SLC16A7: variants seen among roughly 807,000 people sequenced by gnomAD.
SLC16A7 encodes solute carrier family 16 member 7.
Under a neutral mutation model 34.9 loss-of-function variants are expected in SLC16A7, and 33 were observed. The observed-to-expected ratio is 0.94, with a 90% CI of 0.72 to 1.26. SLC16A7 has a LOEUF of 1.26. SLC16A7 is among the 50% of genes most tolerant of loss of function. The pLI is 0.00. For synonymous variants in SLC16A7, 201 were observed against 206.6 expected, an observed-to-expected ratio of 0.97 and a Z score of 0.23; for missense variants, 573 against 578.1, an observed-to-expected ratio of 0.99 and a Z score of 0.09.
At chr12:59,751,015 A>T (rs1879468950) in intron 3 of SLC16A7, among the ~76,000 whole-genome samples, 2 of 151,622 alleles carry the variant, frequency 1.3e-5, no homozygotes, top group Non-Finnish European at 2.9e-5. Flanking sequence ...GAACAATAAG[A>T]AAACATGGAC....
intron 3 of SLC16A7, chr12:59,761,230 T>A: frequency 1.1e-6 from 1 of 942,608 alleles, no homozygotes; most frequent in Non-Finnish European, 1.5e-6. Context: ...GTTAAATACT[T>A]GGTTGATAAG....
chr12:59,730,936 T>C (rs967884831), intron 3 of SLC16A7, among the ~76,000 whole-genome samples: 1 of 152,164 alleles, frequency 6.6e-6, no homozygotes, highest in Non-Finnish European at 1.5e-5. Context: ...ACCGAGTCAA[T>C]TGGAAACAAA....
chr12:59,604,488 G>A (rs1229140494), intron 1 of SLC16A7, among the ~76,000 whole-genome samples: 2 of 152,218 alleles, frequency 1.3e-5, no homozygotes, highest in African/African-American at 2.4e-5. Flanking sequence ...GTGTGTGTGT[G>A]TATAATAAGT....
At chr12:59,768,327 A>T (rs747442937) in intron 3 of SLC16A7, 11 of 373,120 alleles carry the variant, frequency 2.9e-5, no homozygotes, top group Non-Finnish European at 5.4e-5. Context: ...CAGTGAAGTA[A>T]GTAACTGCAG....
At chr12:59,620,966 C>A (rs1270207793) in intron 1 of SLC16A7, among the ~76,000 whole-genome samples, 2 of 151,842 alleles carry the variant, frequency 1.3e-5, no homozygotes, top group East Asian at 3.9e-4. Flanking sequence ...TATTTTCAAG[C>A]CCAAATACAA....
chr12:59,613,545 C>A (rs554467455), intron 1 of SLC16A7, among the ~76,000 whole-genome samples: 1 of 152,170 alleles, frequency 6.6e-6, no homozygotes, highest in Non-Finnish European at 1.5e-5. Context: ...ATGAGTGGAA[C>A]TTTTCTTTGC....
At chr12:59,699,053 C>T (rs1872603529) in intron 2 of SLC16A7, among the ~76,000 whole-genome samples, 1 of 151,408 alleles carries the variant, frequency 6.6e-6, no homozygotes, top group Non-Finnish European at 1.5e-5. Context: ...ATAGTTTACT[C>T]TAGTGTTAGG....
At position 59,771,360 on chromosome 12, in the gene SLC16A7, C is replaced by T; in HGVS notation, c.359C>T (p.Thr120Ile). 6.3e-7 allele frequency: 1 copy of T among 1,591,328 alleles called. No individual in the cohort carries two copies. Residue 120 changes from threonine to isoleucine, a missense_variant and splice_region_variant, in exon 4 of 6, where the codon ACA (threonine) becomes ATA (isoleucine). By Grantham distance (89) the Thr-to-Ile change is moderately conservative (BLOSUM62 -1). Coordinates refer to ENST00000547379, the MANE Select transcript of SLC16A7 (RefSeq NM_001270623.2). The stretch of plus-strand genomic sequence containing the variant: ...CTGTACCTCACTATGGGATTCATTA[C>T]AGGTAAGCCATTTAGTCTTCAGCTT... ...VQLYLTMGFI[T>I]GLGLAFNLQP...
chr12:59,659,088 A>G (rs1454420365), intron 2 of SLC16A7, among the ~76,000 whole-genome samples: 3 of 151,996 alleles, frequency 2.0e-5, no homozygotes, highest in Non-Finnish European at 2.9e-5. Flanking sequence ...CCTTTAGCCT[A>G]TGTGAATGTA....
chr12:59,706,324 G>A (rs1873562760), intron 3 of SLC16A7, among the ~76,000 whole-genome samples: 1 of 151,590 alleles, frequency 6.6e-6, no homozygotes. Context: ...TCTTTTTGTT[G>A]TACTACGAAG....
chr12:59,628,991 T>G (rs1880058681), intron 1 of SLC16A7, among the ~76,000 whole-genome samples: 1 of 151,810 alleles, frequency 6.6e-6, no homozygotes, highest in South Asian at 2.1e-4. Context: ...CTAACAATTC[T>G]GGGATTGGAA....
intron 2 of SLC16A7, among the ~76,000 whole-genome samples, chr12:59,685,853 A>C (rs1172078838): frequency 6.6e-6 from 1 of 152,126 alleles, no homozygotes; most frequent in Non-Finnish European, 1.5e-5. Flanking sequence ...AGCATAAAAA[A>C]TTTTAATAAT....
At chr12:59,669,508 C>G (rs1233501205) in intron 2 of SLC16A7, among the ~76,000 whole-genome samples, 10 of 152,104 alleles carry the variant, frequency 6.6e-5, no homozygotes, top group Non-Finnish European at 1.3e-4. Flanking sequence ...ATTGAATATT[C>G]ACATGCTTCT....
chr12:59,627,092 T>G (rs919037299), intron 1 of SLC16A7, among the ~76,000 whole-genome samples: 39 of 151,948 alleles, frequency 2.6e-4, no homozygotes, highest in African/African-American at 9.4e-4. Flanking sequence ...ATAAAACTTT[T>G]CCCTCATTAG....
At chr12:59,664,633 CAT>C (rs1869045706) in intron 2 of SLC16A7, 1 of 152,156 alleles carries the variant, frequency 6.6e-6, no homozygotes, top group African/African-American at 2.4e-5. Context: ...CAACACAACA[CAT>C]GAGAAGGTTA....
At chr12:59,666,780 C>G (rs1309486020) in intron 2 of SLC16A7, among the ~76,000 whole-genome samples, 2 of 152,156 alleles carry the variant, frequency 1.3e-5, no homozygotes, top group Admixed American at 6.5e-5. Context: ...GATATGTCTT[C>G]ATTAGCAGCA....
intron 3 of SLC16A7, among the ~76,000 whole-genome samples, chr12:59,730,385 G>A (rs1876812049): frequency 6.7e-6 from 1 of 150,346 alleles, no homozygotes; most frequent in Non-Finnish European, 1.5e-5. Flanking sequence ...CTCCTAAAAT[G>A]ATGACCTACT....
chr12:59,646,213 C>T (rs1488894067), intron 1 of SLC16A7, among the ~76,000 whole-genome samples: 1 of 152,136 alleles, frequency 6.6e-6, no homozygotes, highest in Non-Finnish European at 1.5e-5. Flanking sequence ...TGTCAGAGAC[C>T]GTCACAGCAG....
chr12:59,723,380 A>G (rs986382371), intron 3 of SLC16A7, among the ~76,000 whole-genome samples: 1 of 151,970 alleles, frequency 6.6e-6, no homozygotes, highest in African/African-American at 2.4e-5. Flanking sequence ...TATGGTAGAT[A>G]TTGATGTACA....
Sources: allele counts gnomAD v4.1 joint callset (sites outside exome capture counted in the v4.1 genomes callset), GRCh38; gene constraint gnomAD v4.1.1; transcripts MANE v1.5; gene names NCBI Gene and HGNC (gene_info 2026-07-23, HGNC 2026-07-21).